The following RARB variants were observed in gnomAD, a reference collection of about 807,000 sequenced individuals.
RARB encodes retinoic acid receptor beta.
In RARB, 17 loss-of-function variants were observed where a neutral mutation model predicts 51.9. The ratio of observed to expected loss-of-function variants is 0.33; its 90% CI spans 0.22 to 0.49. The LOEUF is 0.49. Among genes scored for constraint, RARB ranks in the 20% least tolerant of loss-of-function variants. RARB has a pLI of 0.99. For missense variants in RARB, 369 were observed against 550.8 expected (o/e 0.67, Z 3.30); for synonymous variants, 215 against 195.4 (o/e 1.10, Z -0.84).
At chr3:24,913,831 A>C (rs1011901754) in intron 2 of RARB, among the ~76,000 whole-genome samples, 8 of 152,224 alleles carry the variant, frequency 5.3e-5, no homozygotes, top group Admixed American at 5.2e-4. Context: ...AAAGCAACAT[A>C]AAAGTGGATA....
chr3:25,494,251 A>ACACACACACGCACGCGCGCGTGCG (rs1443411582), intron 2 of RARB, among the ~76,000 whole-genome samples: 1 of 77,106 alleles, frequency 1.3e-5, no homozygotes, highest in Non-Finnish European at 2.3e-5. Context: ...GCTGTATCTT[A>ACACACACACGCACGCGCGCGTGCG]CGCACACACA....
intron 3 of RARB, among the ~76,000 whole-genome samples, chr3:25,105,241 CTT>C (rs1699476760): frequency 6.6e-6 from 1 of 152,050 alleles, no homozygotes; most frequent in Admixed American, 6.6e-5. Flanking sequence ...CACCACTGGA[CTT>C]TTTTCCTCCC....
chr3:25,356,754 A>C (rs905174891), intron 5 of RARB, among the ~76,000 whole-genome samples: 1 of 152,086 alleles, frequency 6.6e-6, no homozygotes, highest in African/African-American at 2.4e-5. Flanking sequence ...TATGAGTGAG[A>C]ATATGCGGTG....
intron 2 of RARB, among the ~76,000 whole-genome samples, chr3:24,901,827 T>G (rs556589911): frequency 6.6e-6 from 1 of 152,230 alleles, no homozygotes; most frequent in South Asian, 2.1e-4. Context: ...TAGGCCGTTA[T>G]GTAGGGCCAA....
At chr3:25,406,098 A>G (rs369889771) in intron 5 of RARB, among the ~76,000 whole-genome samples, 21 of 152,212 alleles carry the variant, frequency 1.4e-4, no homozygotes, top group African/African-American at 4.3e-4. Flanking sequence ...TGTGATTGCT[A>G]TCTCTCCATT....
chr3:25,172,732 A>G (rs1700668498), intron 4 of RARB, among the ~76,000 whole-genome samples: 1 of 152,172 alleles, frequency 6.6e-6, no homozygotes, highest in Admixed American at 6.5e-5. Context: ...GAAGCATATT[A>G]TTTTGATGTG....
chr3:25,416,333 G>A (rs964827260), intron 5 of RARB, among the ~76,000 whole-genome samples: 2 of 152,222 alleles, frequency 1.3e-5, no homozygotes, highest in African/African-American at 2.4e-5. Context: ...AGGCTGTAGA[G>A]AGCCAAGATT....
chr3:25,187,059 C>G (rs1465242856), intron 5 of RARB, among the ~76,000 whole-genome samples: 1 of 151,938 alleles, frequency 6.6e-6, no homozygotes, highest in Non-Finnish European at 1.5e-5. Context: ...TGCTTAGATT[C>G]TTGTCTGTGT....
At chr3:25,151,049 C>T (rs1382323388) in intron 4 of RARB, among the ~76,000 whole-genome samples, 1 of 152,146 alleles carries the variant, frequency 6.6e-6, no homozygotes, top group Non-Finnish European at 1.5e-5. Flanking sequence ...TACTCAGATC[C>T]CCTTTGACTA....
chr3:25,331,832 A>G lies in RARB; in HGVS notation c.179-129361A>G, dbSNP rs1345378540. Among the ~76,000 whole-genome samples the G allele has an allele frequency of 3.3e-5, 5 of 152,224 alleles. No individual in the cohort carries two copies. The South Asian group carries it at 8.3e-4, about 25-fold the overall frequency. ...AATCAAATAGACACAATAAAAAATG[A>G]TAAAGGGGATATCACCACCGATCCC... On this transcript the variant is annotated intron_variant, in intron 5 of 11. Transcript: ENST00000383772.
chr3:25,568,258 G>C (rs112551275), intron 3 of RARB, among the ~76,000 whole-genome samples: 2 of 152,190 alleles, frequency 1.3e-5, no homozygotes, highest in African/African-American at 4.8e-5. Context: ...GTGAGTCCAA[G>C]TGAGGAAGGA....
chr3:24,958,259 T>TGTTTG (rs1294774936), intron 2 of RARB, among the ~76,000 whole-genome samples: 1 of 75,100 alleles, frequency 1.3e-5, no homozygotes, highest in Non-Finnish European at 2.5e-5. Context: ...GCTCAGGTTT[T>TGTTTG]TTTTTTTTTT....
rs547719510 is a variant in RARB, at chr3:24,974,222, C to A, written c.-379-85903C>A. On this transcript the variant is annotated intron_variant, in intron 2 of 11. Coordinates refer to the RARB transcript ENST00000383772. ...TTGAAATAATCATATGGTTTATGTT[C>A]TTGGTTCTGTTATTTATTGATTTGC... Among the ~76,000 whole-genome samples, 19 of 151,930 alleles carry A rather than the reference C, an allele frequency of 1.3e-4. 1 individual carries two copies. The South Asian group carries it at 3.9e-3, about 32-fold the overall frequency.
chr3:25,305,727 C>G (rs1022094355), intron 5 of RARB, among the ~76,000 whole-genome samples: 1 of 152,058 alleles, frequency 6.6e-6, no homozygotes, highest in Non-Finnish European at 1.5e-5. Context: ...TGTTGAAGAG[C>G]AGAAAGAGCT....
intron 3 of RARB, among the ~76,000 whole-genome samples, chr3:25,128,134 G>T (rs1699890809): frequency 6.6e-6 from 1 of 151,982 alleles, no homozygotes; most frequent in African/African-American, 2.4e-5. Context: ...TTTCTTAGGG[G>T]TTCTAACCTG....
chr3:25,298,100 A>G (rs1384250235), intron 5 of RARB, among the ~76,000 whole-genome samples: 3 of 152,062 alleles, frequency 2.0e-5, no homozygotes, highest in South Asian at 2.1e-4. Context: ...GGTAGGGGGA[A>G]TAGTATTTAT....
intron 2 of RARB, among the ~76,000 whole-genome samples, chr3:24,977,539 C>A (rs565846957): frequency 1.3e-5 from 2 of 152,100 alleles, no homozygotes; most frequent in Non-Finnish European, 2.9e-5. Flanking sequence ...AATGGGAGTT[C>A]ACTCATGATT....
intron 3 of RARB, among the ~76,000 whole-genome samples, chr3:25,071,789 AAAGT>A (rs1292397397): frequency 6.6e-6 from 1 of 152,218 alleles, no homozygotes; most frequent in Non-Finnish European, 1.5e-5. Flanking sequence ...CCAAAGTAAT[AAAGT>A]AAGTAGTAGG....
intron 5 of RARB, among the ~76,000 whole-genome samples, chr3:25,309,243 C>T (rs1316951535): frequency 6.7e-6 from 1 of 148,930 alleles, no homozygotes; most frequent in African/African-American, 2.5e-5. Flanking sequence ...CAGGTTCACG[C>T]CATTCTCCTG....
Sources: allele counts gnomAD v4.1 joint callset (sites outside exome capture counted in the v4.1 genomes callset), GRCh38; gene constraint gnomAD v4.1.1; transcripts MANE v1.5; gene names NCBI Gene and HGNC (gene_info 2026-07-23, HGNC 2026-07-21).